FAM162A: variants seen among roughly 807,000 people sequenced by gnomAD.
The protein encoded by FAM162A is family with sequence similarity 162 member A.
A neutral mutation model predicts 21.8 loss-of-function variants in FAM162A; 23 were observed. That is an observed-to-expected ratio of 1.05 (90% confidence interval 0.76 to 1.49). The LOEUF (loss-of-function observed/expected upper bound fraction) is 1.49, where lower values mean the gene tolerates loss of function less well. FAM162A is among the 40% of genes most tolerant of loss of function. The probability of loss-of-function intolerance (pLI) is 0.00; values close to 1 mark genes in which losing one functional copy is unlikely to be tolerated. For synonymous variants in FAM162A, 53 were observed against 61.3 expected, an observed-to-expected ratio of 0.86 and a Z score of 0.64; for missense variants, 165 against 186.4, an observed-to-expected ratio of 0.89 and a Z score of 0.67.
At position 122,410,058 on chromosome 3, in the gene FAM162A, AAATGAAAC is replaced by A; in HGVS notation, c.*231_*238del. Reference sequence around the variant, plus strand: ...TGTAGCCTCTCAGCCTTTTGGAGAAAAATGAAACAATTTATTTCAACTTGAATACCAAC... The same window carrying A: ...TGTAGCCTCTCAGCCTTTTGGAGAAAAATTTATTTCAACTTGAATACCAAC... On this transcript the variant is annotated 3_prime_UTR_variant, in exon 5 of 5. Coordinates refer to ENST00000477892, the MANE Select transcript of FAM162A (RefSeq NM_014367.4). 1 of 525,392 alleles carries A rather than the reference AAATGAAAC, an allele frequency of 1.9e-6. No homozygotes were observed. The highest frequency in any genetic ancestry group is 3.5e-5 in the East Asian group (1 of 28,292). The allele number at this position is 525,392 out of a possible 1,614,324, so 32.5% of individuals were successfully genotyped here.
Position 122,404,336 on chromosome 3 carries a change from AG to A in FAM162A, c.238del (p.Glu80LysfsTer22), listed in dbSNP as rs771099859. 9 of 1,604,412 alleles carry A rather than the reference AG, an allele frequency of 5.6e-6. No homozygotes were observed. The highest frequency in any genetic ancestry group is 5.1e-5 in the Admixed American group (3 of 58,844). ...KILIWSGRFKKEDEIPETVSL... is the reference protein window; with the variant it reads ...KILIWSGRFKXEDEIPETVSL... ...CTCATATGGTCAGGTCGCTTCAAAA[AG>A]GAAGATGAAATCCCAGAGACTGTCT... is the stretch of plus-strand genomic sequence containing the variant. On this transcript the variant is annotated frameshift_variant, in exon 3 of 5. Coordinates refer to ENST00000477892, the MANE Select transcript of FAM162A (RefSeq NM_014367.4). LOFTEE classifies it high-confidence loss of function.
At chr3:122,401,344 A>G (rs1267141350) in intron 1 of FAM162A, 4 of 990,112 alleles carry the variant, frequency 4.0e-6, no homozygotes. Context: ...TGCCAACATG[A>G]TTATATAGAC....
rs373633927 is a variant in FAM162A, at chr3:122,402,783, A to G, written c.58A>G (p.Arg20Gly). 11 of 1,567,084 alleles carry G rather than the reference A, an allele frequency of 7.0e-6. No homozygotes were observed. In the African/African-American group the frequency reaches 1.4e-4, roughly 19 times the overall value. The change falls in exon 2 of 5, where the codon AGA becomes GGA. Residue 20 changes from arginine (R) to glycine (G), a missense_variant. By Grantham distance (125) the Arg-to-Gly change is moderately radical. Transcript: ENST00000477892. ...AGGAAGCTGTTTTAGGTTATGTGAA[A>G]GAGATGTTTCCTCATCTCTAAGGCT... ...AAGSCFRLCE[R>G]DVSSSLRLTR...
intron 3 of FAM162A, 84 bp downstream of exon 3, chr3:122,404,447 T>A: frequency 1.5e-6 from 1 of 653,056 alleles, no homozygotes; most frequent in Non-Finnish European, 2.6e-6. Context: ...TCCAACTGTT[T>A]AAAACTTTTC....
intron 1 of FAM162A, among the ~76,000 whole-genome samples, chr3:122,392,911 AT>A (rs746054891): frequency 4.6e-5 from 7 of 152,326 alleles, no homozygotes; most frequent in Middle Eastern, 6.8e-3. Context: ...CAAAAAAAAA[AT>A]AAACTTAACA....
chr3:122,399,102 G>A (rs1236699443), intron 1 of FAM162A, among the ~76,000 whole-genome samples: 1 of 152,030 alleles, frequency 6.6e-6, no homozygotes, highest in East Asian at 1.9e-4. Context: ...CCCTCAGGTA[G>A]GCCCCAATGT....
chr3:122,385,241 C>G (rs1433944236), intron 1 of FAM162A, among the ~76,000 whole-genome samples: 1 of 152,014 alleles, frequency 6.6e-6, no homozygotes, highest in Non-Finnish European at 1.5e-5. Context: ...CATAACCTTC[C>G]CCACCTCAAG....
At chr3:122,404,082 T>C (rs1207272141) in intron 2 of FAM162A, among the ~76,000 whole-genome samples, 176 bp from the exon 3 acceptor site, 1 of 152,200 alleles carries the variant, frequency 6.6e-6, no homozygotes, top group Non-Finnish European at 1.5e-5. Context: ...TATAATCTTA[T>C]TTGGAAAATG....
At chr3:122,386,900 G>GATATTGAGT (rs1210770565) in intron 1 of FAM162A, among the ~76,000 whole-genome samples, 62 of 152,150 alleles carry the variant, frequency 4.1e-4, no homozygotes, top group South Asian at 2.3e-3. Context: ...TTTTGAGAGA[G>GATATTGAGT]AGGGTCCATA....
Position 122,400,021 on chromosome 3 carries a change from T to C in FAM162A, c.35-2739T>C, listed in dbSNP as rs149832905. Among the ~76,000 whole-genome samples, 32 of 152,250 alleles carry C rather than the reference T, an allele frequency of 2.1e-4. 1 individual carries two copies. The East Asian group carries it at 6.2e-3, about 29-fold the overall frequency. ...CGGAAGGCTGAAGCAGGAGAATCGCTTGTACCTGGGAGGTGGAGGTTGCAG... is the reference window on the plus strand; with the variant it reads ...CGGAAGGCTGAAGCAGGAGAATCGCCTGTACCTGGGAGGTGGAGGTTGCAG... On this transcript the variant is annotated intron_variant, in intron 1 of 4. Coordinates refer to ENST00000477892, the MANE Select transcript of FAM162A (RefSeq NM_014367.4).
chr3:122,402,520 C>T (rs1003956706), intron 1 of FAM162A, among the ~76,000 whole-genome samples: 1 of 152,144 alleles, frequency 6.6e-6, no homozygotes, highest in African/African-American at 2.4e-5. Context: ...TTAAAATTTA[C>T]AGCTGATAAC....
At chr3:122,391,702 C>A (rs1159084214) in intron 1 of FAM162A, among the ~76,000 whole-genome samples, 1 of 152,224 alleles carries the variant, frequency 6.6e-6, no homozygotes, top group Non-Finnish European at 1.5e-5. Flanking sequence ...CTGTTCTGGC[C>A]ATACTGGCCT....
intron 1 of FAM162A, among the ~76,000 whole-genome samples, chr3:122,388,703 G>C (rs1280769554): frequency 6.6e-6 from 1 of 152,110 alleles, no homozygotes; most frequent in East Asian, 1.9e-4. Context: ...GAATCAAATG[G>C]CCACAAAAAT....
intron 1 of FAM162A, among the ~76,000 whole-genome samples, chr3:122,402,414 G>A (rs2075657207): frequency 6.6e-6 from 1 of 151,874 alleles, no homozygotes; most frequent in South Asian, 2.1e-4. Context: ...ACTTTTGGGA[G>A]GTTACTAATC....
At chr3:122,408,717 G>A (rs1010677355) in intron 4 of FAM162A, among the ~76,000 whole-genome samples, 1 of 152,108 alleles carries the variant, frequency 6.6e-6, no homozygotes, top group Non-Finnish European at 1.5e-5. Context: ...GAGCTTCTAG[G>A]ATTCTGAGAA....
At chr3:122,404,609 T>A (rs1032144438) in intron 3 of FAM162A, among the ~76,000 whole-genome samples, 8 of 152,246 alleles carry the variant, frequency 5.3e-5, no homozygotes, top group Admixed American at 1.3e-4. Context: ...GTCAATTGAT[T>A]ATTTGATTTC....
At chr3:122,384,813 G>A (rs2075566931) in intron 1 of FAM162A, among the ~76,000 whole-genome samples, 1 of 152,022 alleles carries the variant, frequency 6.6e-6, no homozygotes, top group Non-Finnish European at 1.5e-5. Flanking sequence ...AATAATAATT[G>A]TTTTCTTAAA....
chr3:122,386,570 AAAAAG>A (rs1553776290), intron 1 of FAM162A, among the ~76,000 whole-genome samples: 5 of 150,574 alleles, frequency 3.3e-5, no homozygotes, highest in African/African-American at 1.2e-4. Context: ...AAAAAAAAAA[AAAAAG>A]AAAAGAAGCA....
chr3:122,408,356 AT>A (rs1199580283), intron 4 of FAM162A, among the ~76,000 whole-genome samples: 5 of 152,216 alleles, frequency 3.3e-5, no homozygotes, highest in African/African-American at 1.2e-4. Flanking sequence ...TTTTAATACC[AT>A]GTATAATTCT....
Sources: allele counts gnomAD v4.1 joint callset (sites outside exome capture counted in the v4.1 genomes callset), GRCh38; gene constraint gnomAD v4.1.1; transcripts MANE v1.5; gene names NCBI Gene and HGNC (gene_info 2026-07-23, HGNC 2026-07-21).